Variants in B4GALT5 observed in about 807,000 individuals in gnomAD.
The protein encoded by B4GALT5 is beta-1,4-galactosyltransferase 5.
B4GALT5 carries 11 observed loss-of-function variants against 45.0 expected under a neutral mutation model. The observed-to-expected ratio is 0.24, with a 90% confidence interval of 0.15 to 0.40. The LOEUF is 0.40. Among genes scored for constraint, B4GALT5 ranks in the 10% least tolerant of loss-of-function variants. The pLI, the probability that B4GALT5 is intolerant of heterozygous loss-of-function variation, is 1.00. For missense variants in B4GALT5, 337 were observed against 500.2 expected, an observed-to-expected ratio of 0.67 and a Z score of 3.11; for synonymous variants, 185 against 182.9, an observed-to-expected ratio of 1.01 and a Z score of -0.09.
chr20:49,695,310 G>A (rs1031130971), intron 1 of B4GALT5, among the ~76,000 whole-genome samples: 8 of 151,776 alleles, frequency 5.3e-5, no homozygotes, highest in Admixed American at 3.3e-4. Flanking sequence ...TGTCTTCCAC[G>A]GAACTGGTCC....
intron 1 of B4GALT5, among the ~76,000 whole-genome samples, chr20:49,678,152 G>T (rs1165969940): frequency 1.3e-5 from 2 of 152,218 alleles, no homozygotes; most frequent in Non-Finnish European, 2.9e-5. Context: ...CAAATGGCAG[G>T]GTAGAGAATC....
In B4GALT5 at chr20:49,661,129, T is replaced by C. The variant is rs189488182; in HGVS notation, c.116-4427A>G. On this transcript the variant is annotated intron_variant, in intron 1 of 8. Transcript: ENST00000371711. ...TGAGTGTTTATTTTAGATTAGGAAG[T>C]CAAGTCCTCCAGGGGGTAATTTGCC... 2.1e-3 allele frequency among the ~76,000 whole-genome samples: 324 copies of C among 152,300 alleles called. 1 individual carries two copies. Among genetic ancestry groups the C allele is most frequent in the African/African-American group, 7.3e-3 (303 of 41,566 alleles).
chr20:49,660,738 C>A (rs542291695), intron 1 of B4GALT5, among the ~76,000 whole-genome samples: 6 of 152,310 alleles, frequency 3.9e-5, no homozygotes, highest in Admixed American at 3.9e-4. Context: ...GTAATCCCAG[C>A]ACTTTGGGAG....
At chr20:49,683,385 A>ATTTTTTTTT (rs66503719) in intron 1 of B4GALT5, among the ~76,000 whole-genome samples, 3 of 96,630 alleles carry the variant, frequency 3.1e-5, no homozygotes, top group Non-Finnish European at 6.1e-5. Context: ...ACAGGTTTAA[A>ATTTTTTTTT]TTTTTTTTTT....
intron 1 of B4GALT5, among the ~76,000 whole-genome samples, chr20:49,676,049 C>A (rs1188220089): frequency 1.3e-5 from 2 of 151,694 alleles, no homozygotes; most frequent in East Asian, 1.9e-4. Flanking sequence ...CCAACCCCCC[C>A]AGACAAAGCT....
At chr20:49,689,082 A>G (rs1164835259) in intron 1 of B4GALT5, among the ~76,000 whole-genome samples, 3 of 152,194 alleles carry the variant, frequency 2.0e-5, no homozygotes, top group Non-Finnish European at 4.4e-5. Context: ...AGAAAAATAC[A>G]GATTTGTATT....
intron 1 of B4GALT5, chr20:49,684,720 G>C: frequency 2.0e-6 from 1 of 497,314 alleles, no homozygotes; most frequent in Non-Finnish European, 4.0e-6. Flanking sequence ...CCACGTCCTT[G>C]TTCAAATAAT....
At chr20:49,684,627 C>T (rs1215237172) in intron 1 of B4GALT5, 1 of 518,916 alleles carries the variant, frequency 1.9e-6, no homozygotes, top group Admixed American at 1.9e-5. Context: ...CACGCAAAAT[C>T]AGCAAGTGCC....
chr20:49,693,779 GAGGTT>G (rs1424914629), intron 1 of B4GALT5, among the ~76,000 whole-genome samples: 1 of 152,212 alleles, frequency 6.6e-6, no homozygotes, highest in Non-Finnish European at 1.5e-5. Context: ...CAGTGCAAAT[GAGGTT>G]AAGGTGCCAG....
intron 1 of B4GALT5, among the ~76,000 whole-genome samples, chr20:49,695,396 T>C (rs1179475128): frequency 4.7e-5 from 7 of 149,884 alleles, no homozygotes; most frequent in Non-Finnish European, 8.9e-5. Context: ...GAACCTATCA[T>C]GACAGTCTGT....
intron 2 of B4GALT5, among the ~76,000 whole-genome samples, chr20:49,651,034 T>C (rs1182940333): frequency 6.6e-6 from 1 of 152,170 alleles, no homozygotes; most frequent in Non-Finnish European, 1.5e-5. Context: ...CGGTGATCTC[T>C]GCATTTTGGG....
intron 1 of B4GALT5, among the ~76,000 whole-genome samples, chr20:49,674,570 G>A (rs549110198): frequency 5.3e-5 from 8 of 151,688 alleles, no homozygotes; most frequent in South Asian, 2.1e-4. Context: ...TAAGCCAGCC[G>A]CAGGACTGCT....
chr20:49,701,251 TAA>T, intron 1 of B4GALT5, among the ~76,000 whole-genome samples: 1 of 152,274 alleles, frequency 6.6e-6, no homozygotes, highest in Middle Eastern at 3.4e-3. Context: ...CACCAGAACA[TAA>T]AAGTTTTCTA....
chr20:49,682,359 G>A (rs1270631679), intron 1 of B4GALT5, among the ~76,000 whole-genome samples: 1 of 152,170 alleles, frequency 6.6e-6, no homozygotes, highest in Non-Finnish European at 1.5e-5. Context: ...CTGGCCCTTC[G>A]CAGAGCAAGT....
At chr20:49,646,357 G>GC (rs2085599183) in intron 3 of B4GALT5, among the ~76,000 whole-genome samples, 1 of 152,122 alleles carries the variant, frequency 6.6e-6, no homozygotes, top group Non-Finnish European at 1.5e-5. Context: ...ACTCACCAGA[G>GC]CAACTTCCAT....
intron 8 of B4GALT5, 76 bp downstream of exon 8, chr20:49,637,265 C>A: frequency 7.7e-7 from 1 of 1,304,988 alleles, no homozygotes; most frequent in Non-Finnish European, 1.1e-6. Context: ...GGAGAAGGGG[C>A]TGTAATATGC....
chr20:49,690,296 A>G (rs1339542588), intron 1 of B4GALT5, among the ~76,000 whole-genome samples: 1 of 152,152 alleles, frequency 6.6e-6, no homozygotes, highest in East Asian at 1.9e-4. Flanking sequence ...ATGAGCCATC[A>G]TGCCTGGCCA....
intron 1 of B4GALT5, among the ~76,000 whole-genome samples, chr20:49,693,102 C>G (rs1349233800): frequency 6.6e-6 from 1 of 152,166 alleles, no homozygotes; most frequent in East Asian, 1.9e-4. Flanking sequence ...GCTATACCAT[C>G]TAGGTTGGTG....
Position 49,637,205 on chromosome 20 carries a change from T to A in B4GALT5, c.1019+136A>T, listed in dbSNP as rs1392366285. 7 of 738,052 alleles carry A rather than the reference T, an allele frequency of 9.5e-6. No homozygotes were observed. The East Asian group carries it at 1.7e-4, about 18-fold the overall frequency. 45.7% of individuals were successfully genotyped at this position (738,052 alleles called of 1,614,324 possible). On this transcript the variant is annotated intron_variant, in intron 8 of 8. Transcript: ENST00000371711. ...TGTTCTGCCTCAGAGTTAGAATACA[T>A]GCAACAGCTGTCAAACAGCTGTCAG...
Sources: gnomAD v4.1 joint callset for allele counts (sites outside exome capture counted in the v4.1 genomes callset) on GRCh38, gnomAD v4.1.1 for gene constraint, MANE v1.5 for transcripts, NCBI Gene and HGNC (gene_info 2026-07-23, HGNC 2026-07-21) for gene names.